The following GAD2 variants were observed in gnomAD, a reference collection of about 807,000 sequenced individuals.
GAD2 encodes glutamate decarboxylase 2, also known as 65 kDa glutamic acid decarboxylase.
Under a neutral mutation model 80.1 loss-of-function variants are expected in GAD2, and 22 were observed. The observed-to-expected ratio is 0.27, with a 90% confidence interval of 0.20 to 0.39. The LOEUF is 0.39. Ranked by LOEUF, GAD2 falls within the 10% of genes least tolerant of loss-of-function variation. The pLI is 1.00. For synonymous variants in GAD2, 274 were observed against 256.9 expected, an observed-to-expected ratio of 1.07 and a Z score of -0.64; for missense variants, 624 against 738.4, an observed-to-expected ratio of 0.85 and a Z score of 1.80.
At chr10:26,221,858 C>T (rs566139090) in intron 4 of GAD2, among the ~76,000 whole-genome samples, 8 of 152,288 alleles carry the variant, frequency 5.3e-5, no homozygotes, top group Admixed American at 1.3e-4. Flanking sequence ...GGCAGGGTGG[C>T]GACAGCAGCA....
At chr10:26,282,043 A>C (rs753424838) in intron 12 of GAD2, among the ~76,000 whole-genome samples, 1 of 152,086 alleles carries the variant, frequency 6.6e-6, no homozygotes, top group East Asian at 1.9e-4. Context: ...CCTGAGTTCA[A>C]GCGATTCTCA....
At chr10:26,269,283 C>G (rs1845106573) in intron 9 of GAD2, 110 bp downstream of exon 9, 1 of 808,782 alleles carries the variant, frequency 1.2e-6, no homozygotes, top group South Asian at 2.1e-5. Context: ...CTCAATCTCC[C>G]AGGTTTAATG....
At chr10:26,262,637 TTC>T (rs1845022719) in intron 8 of GAD2, among the ~76,000 whole-genome samples, 1 of 152,206 alleles carries the variant, frequency 6.6e-6, no homozygotes, top group Non-Finnish European at 1.5e-5. Context: ...GTTCTTTTTA[TTC>T]TCTGTTATTT....
rs1377924695 is a variant in GAD2 at position 26,302,850 on chromosome 10, C to T, written c.*1889C>T. On this transcript the variant is annotated 3_prime_UTR_variant, in exon 16 of 16. Coordinates refer to ENST00000376261, the MANE Select transcript of GAD2 (RefSeq NM_001134366.2). ...TATGACAATCAGAAATAAACTCTTT[C>T]ATCTGTCCCGCAGAATTTCATGAAG... 3 of 152,210 alleles carry T rather than the reference C, an allele frequency of 2.0e-5. No individual in the cohort carries two copies. The highest frequency in any genetic ancestry group is 6.5e-5 in the Admixed American group (1 of 15,288). The allele number at this position is 152,210 out of a possible 1,614,324, so 9.4% of individuals were successfully genotyped here.
chr10:26,253,485 A>G (rs973425332), intron 8 of GAD2, among the ~76,000 whole-genome samples: 1 of 152,246 alleles, frequency 6.6e-6, no homozygotes, highest in Non-Finnish European at 1.5e-5. Context: ...GAAAGAAAAC[A>G]GAGCAATATT....
chr10:26,247,900 A>G (rs963626157), intron 8 of GAD2, among the ~76,000 whole-genome samples: 1 of 114,458 alleles, frequency 8.7e-6, no homozygotes, highest in Non-Finnish European at 2.0e-5. Context: ...CATCTCAAAA[A>G]AAAAAAAAAA....
intron 7 of GAD2, among the ~76,000 whole-genome samples, chr10:26,233,378 T>C (rs1181117403): frequency 1.3e-5 from 2 of 152,188 alleles, no homozygotes; most frequent in African/African-American, 4.8e-5. Flanking sequence ...TCTCTCTTTC[T>C]ACCAAAAAAC....
chr10:26,291,898 AG>A (rs1376838994), intron 13 of GAD2, among the ~76,000 whole-genome samples: 2 of 152,310 alleles, frequency 1.3e-5, no homozygotes, highest in African/African-American at 4.8e-5. Context: ...CTGCCCCCAA[AG>A]GAGAACTGTA....
chr10:26,252,986 G>A (rs1458719141), intron 8 of GAD2, among the ~76,000 whole-genome samples: 1 of 152,042 alleles, frequency 6.6e-6, no homozygotes, highest in African/African-American at 2.4e-5. Flanking sequence ...AGTCACAGGG[G>A]CTAACTTTGG....
chr10:26,271,021 C>T (rs1295680524), intron 10 of GAD2, among the ~76,000 whole-genome samples: 1 of 152,166 alleles, frequency 6.6e-6, no homozygotes, highest in Non-Finnish European at 1.5e-5. Flanking sequence ...CCCAAGCTGA[C>T]CACTTTGTTC....
chr10:26,284,525 C>G (rs1008358912), intron 12 of GAD2, among the ~76,000 whole-genome samples: 1 of 143,790 alleles, frequency 7.0e-6, no homozygotes, highest in Non-Finnish European at 1.5e-5. Flanking sequence ...ATCACTTTTG[C>G]TTGTCATGTT....
chr10:26,295,009 T>C (rs1834257298), intron 15 of GAD2, among the ~76,000 whole-genome samples: 1 of 152,212 alleles, frequency 6.6e-6, no homozygotes, highest in Non-Finnish European at 1.5e-5. Flanking sequence ...CTAGTTTGGC[T>C]GATTTCATTT....
intron 7 of GAD2, among the ~76,000 whole-genome samples, chr10:26,232,318 C>G (rs1844612969): frequency 6.6e-6 from 1 of 152,132 alleles, no homozygotes; most frequent in Non-Finnish European, 1.5e-5. Context: ...CCACTCTGTG[C>G]TCTCTGCCAG....
chr10:26,245,815 C>G lies in GAD2; in HGVS notation c.841-106C>G. 5.8e-6 allele frequency: 5 copies of G among 857,100 alleles called. No homozygotes were observed. The Middle Eastern group carries it at 9.7e-4, about 166-fold the overall frequency. 53.1% of individuals were successfully genotyped at this position (857,100 alleles called of 1,614,324 possible). A position where few individuals can be genotyped will look rare whatever the true frequency, so the allele number is the denominator to read the frequency against. On this transcript the variant is annotated intron_variant, in intron 7 of 15. Coordinates refer to ENST00000376261, the MANE Select transcript of GAD2 (RefSeq NM_001134366.2). ...CTCAGCAGCCCAGGCTTTGGAGGAACAGACTAGAAATGAAAGGAAAAAAGG... is the reference window on the plus strand; with the variant it reads ...CTCAGCAGCCCAGGCTTTGGAGGAAGAGACTAGAAATGAAAGGAAAAAAGG...
chr10:26,251,266 A>T lies in GAD2; in HGVS notation c.920+5266A>T, dbSNP rs151280029. ...TCCACATGATTACAAACACAAACAC[A>T]CTTAACTGTATAACATTTTACATAT... On this transcript the variant is annotated intron_variant, in intron 8 of 15. Transcript: ENST00000376261. Among the ~76,000 whole-genome samples, 3 of 151,840 alleles carry T rather than the reference A, an allele frequency of 2.0e-5. No homozygotes were observed. The East Asian group carries it at 5.8e-4, about 29-fold the overall frequency.
chr10:26,272,488 T>C (rs547596529), intron 10 of GAD2, among the ~76,000 whole-genome samples: 223 of 152,352 alleles, frequency 1.5e-3, no homozygotes, highest in African/African-American at 5.2e-3. Flanking sequence ...CTTACTCTTA[T>C]TAGCTTTAAC....
intron 8 of GAD2, among the ~76,000 whole-genome samples, chr10:26,252,869 G>T (rs1024723744): frequency 2.6e-4 from 39 of 151,612 alleles, no homozygotes; most frequent in Non-Finnish European, 2.2e-4. Flanking sequence ...TGCTGGTCAG[G>T]CTGCTCTCGG....
At chr10:26,281,996 G>A (rs8190756) in intron 12 of GAD2, among the ~76,000 whole-genome samples, 34,129 of 151,968 alleles carry the variant, frequency 0.22, 4,191 homozygotes, top group African/African-American at 0.32. Context: ...AGGCTGGAGT[G>A]CAATGGTGCG....
At chr10:26,297,273 A>T (rs980082166) in intron 15 of GAD2, among the ~76,000 whole-genome samples, 6 of 152,228 alleles carry the variant, frequency 3.9e-5, no homozygotes, top group African/African-American at 1.2e-4. Context: ...TACATTTTTC[A>T]GAAATTTCTC....
Sources: allele counts gnomAD v4.1 joint callset (sites outside exome capture counted in the v4.1 genomes callset), GRCh38; gene constraint gnomAD v4.1.1; transcripts MANE v1.5; gene names NCBI Gene and HGNC (gene_info 2026-07-23, HGNC 2026-07-21).